PDE8B: variants seen among roughly 807,000 people sequenced by gnomAD.
PDE8B encodes phosphodiesterase 8B.
In PDE8B, 26 loss-of-function variants were observed where a neutral mutation model predicts 101.3. That is an observed-to-expected ratio of 0.26 (90% confidence interval 0.19 to 0.36). The LOEUF is 0.36. Ranked by LOEUF, PDE8B falls within the 10% of genes least tolerant of loss-of-function variation. The pLI, the probability that PDE8B is intolerant of heterozygous loss-of-function variation, is 1.00. For missense variants in PDE8B, 810 were observed against 1,163.1 expected (o/e 0.70, Z 4.42); for synonymous variants, 424 against 429.3 (o/e 0.99, Z 0.15).
chr5:77,141,816 AAGAG>A, the PDE8B span: 1 of 152,200 alleles, frequency 6.6e-6, no homozygotes, highest in Non-Finnish European at 1.5e-5. Flanking sequence ...ATGCCTATCA[AAGAG>A]AGAATTTATA....
At chr5:77,253,688 G>C (rs1758537957) in intron 1 of PDE8B, among the ~76,000 whole-genome samples, 2 of 152,158 alleles carry the variant, frequency 1.3e-5, no homozygotes, top group South Asian at 2.1e-4. Flanking sequence ...TTGGGTAAAA[G>C]CTTGGGATAC....
chr5:77,278,564 G>C lies in PDE8B; in HGVS notation c.340-33430G>C, dbSNP rs565831452. 3.3e-5 allele frequency among the ~76,000 whole-genome samples: 5 copies of C among 152,140 alleles called. No individual in the cohort carries two copies. In the East Asian group the frequency reaches 7.7e-4, roughly 24 times the overall value. ...GTCTCATTGCAAGCTCTGCCTCCCG[G>C]GTTCATGCCATTCTCCTGTCTCAGC... On this transcript the variant is annotated intron_variant, in intron 1 of 21. Transcript: ENST00000264917.
chr5:77,202,826 G>A, the PDE8B span, among the ~76,000 whole-genome samples: 1 of 152,062 alleles, frequency 6.6e-6, no homozygotes, highest in Non-Finnish European at 1.5e-5. Flanking sequence ...CCATGTGAAA[G>A]TGGCCTCAAG....
At chr5:77,169,032 A>G in the PDE8B span, among the ~76,000 whole-genome samples, 17 of 152,326 alleles carry the variant, frequency 1.1e-4, no homozygotes, top group East Asian at 3.3e-3. Context: ...CTGGGGATTC[A>G]AAAAATCCAA....
chr5:77,117,849 C>T, the PDE8B span, among the ~76,000 whole-genome samples: 1 of 152,148 alleles, frequency 6.6e-6, no homozygotes, highest in Admixed American at 6.5e-5. Flanking sequence ...CCAATAGTTA[C>T]TGAATGCCTG....
chr5:77,305,742 A>C (rs1210746551), intron 1 of PDE8B, among the ~76,000 whole-genome samples: 1 of 152,226 alleles, frequency 6.6e-6, no homozygotes, highest in Non-Finnish European at 1.5e-5. Flanking sequence ...TGGACAGGGC[A>C]CATATTGAGA....
intron 1 of PDE8B, among the ~76,000 whole-genome samples, chr5:77,310,802 G>A (rs1319984760): frequency 6.6e-6 from 1 of 152,146 alleles, no homozygotes; most frequent in African/African-American, 2.4e-5. Context: ...TCTTTACACT[G>A]CTGTGTTGGG....
intron 1 of PDE8B, chr5:77,246,926 G>A (rs1757069009): frequency 6.6e-6 from 1 of 151,938 alleles, no homozygotes; most frequent in Non-Finnish European, 1.5e-5. Context: ...CCTTGAGCAA[G>A]TTACTTTGCC....
chr5:77,210,614 G>A (rs1748041011), upstream of PDE8B: 3 of 981,826 alleles, frequency 3.1e-6, no homozygotes, highest in Admixed American at 6.2e-5. This position sits in a 1 kb window ranked among gnomAD's most constrained non-coding sequence, Gnocchi z 4.9. Flanking sequence ...GAAGGCGGAG[G>A]CGCGGGGAGC....
chr5:77,255,360 C>T (rs1172935570), intron 1 of PDE8B, among the ~76,000 whole-genome samples: 1 of 152,186 alleles, frequency 6.6e-6, no homozygotes, highest in African/African-American at 2.4e-5. Context: ...GGCATGCCAC[C>T]AACGCGGCTG....
chr5:77,095,995 A>G, the PDE8B span, among the ~76,000 whole-genome samples: 1 of 152,074 alleles, frequency 6.6e-6, no homozygotes, highest in Non-Finnish European at 1.5e-5. Flanking sequence ...TTTTCATGAT[A>G]CACATTTTTT....
At chr5:77,404,596 T>C in intron 11 of PDE8B, 124 bp from the exon 12 acceptor site, 1 of 657,296 alleles carries the variant, frequency 1.5e-6, no homozygotes, top group South Asian at 1.7e-5. Context: ...TTTCTTAAAA[T>C]TATTTTATAG....
the PDE8B span, among the ~76,000 whole-genome samples, chr5:77,120,856 G>C: frequency 7.6e-4 from 116 of 152,328 alleles, 1 homozygote; most frequent in African/African-American, 2.7e-3. Flanking sequence ...CCTTGTGTCA[G>C]TGCTTAAAGC....
chr5:77,209,116 G>C (rs996197990), upstream of PDE8B, among the ~76,000 whole-genome samples: 1 of 152,132 alleles, frequency 6.6e-6, no homozygotes, highest in Non-Finnish European at 1.5e-5. Flanking sequence ...TGAGCAATTT[G>C]CCTGTCCATT....
At chr5:77,367,170 C>T (rs1405400207) in intron 10 of PDE8B, among the ~76,000 whole-genome samples, 1 of 152,130 alleles carries the variant, frequency 6.6e-6, no homozygotes, top group African/African-American at 2.4e-5. Context: ...CACACACACA[C>T]ACACACACAC....
chr5:77,336,158 C>T (rs1021687177), intron 5 of PDE8B, among the ~76,000 whole-genome samples: 1 of 152,102 alleles, frequency 6.6e-6, no homozygotes, highest in African/African-American at 2.4e-5. Flanking sequence ...TCTATCTGTT[C>T]ATTCATTCAC....
At chr5:77,099,235 T>G in the PDE8B span, among the ~76,000 whole-genome samples, 3 of 152,166 alleles carry the variant, frequency 2.0e-5, no homozygotes, top group Non-Finnish European at 4.4e-5. Flanking sequence ...CCTGAGGTAG[T>G]TTTAGGCAAG....
chr5:77,399,316 A>C (rs1791739550), intron 10 of PDE8B, among the ~76,000 whole-genome samples: 1 of 152,230 alleles, frequency 6.6e-6, no homozygotes, highest in Non-Finnish European at 1.5e-5. Flanking sequence ...GTGGATTAGC[A>C]TCCAACATGG....
In PDE8B at chr5:77,407,403, C is replaced by A. The variant is rs1284209918; in HGVS notation, c.1311C>A (p.Arg437=). 6.2e-7 allele frequency: 1 copy of A among 1,614,132 alleles called. No homozygotes were observed. Among genetic ancestry groups the A allele is most frequent in the Non-Finnish European group, 8.5e-7 (1 of 1,179,986 alleles). The change falls in exon 13 of 22, where the codon CGC becomes CGA. Residue 437 remains arginine (R), a synonymous_variant. Transcript: ENST00000264917. ...CAGCACCAAGCCTGCAGAATCGTCG[C>A]TATCCGTCCATGGCGAGGATCCACT... ...GSDAPSLQNR[R]YPSMARIHSM...
Sources: allele counts gnomAD v4.1 joint callset (sites outside exome capture counted in the v4.1 genomes callset), GRCh38; gene constraint gnomAD v4.1.1; non-coding constraint Gnocchi (gnomAD v3.1); transcripts MANE v1.5; gene names NCBI Gene and HGNC (gene_info 2026-07-23, HGNC 2026-07-21).